Variants in MAN1A2 observed in about 807,000 individuals in gnomAD.
The protein encoded by MAN1A2 is mannosyl-oligosaccharide 1,2-alpha-mannosidase IB.
MAN1A2 carries 26 observed loss-of-function variants against 75.7 expected under a neutral mutation model. The observed-to-expected ratio is 0.34, with a 90% confidence interval of 0.25 to 0.48. MAN1A2 has a LOEUF of 0.48. MAN1A2 is among the 20% of genes least tolerant of loss of function. The pLI is 0.99. For synonymous variants in MAN1A2, 247 were observed against 264.6 expected (o/e 0.93, Z 0.65); for missense variants, 562 against 775.5 (o/e 0.72, Z 3.27).
At chr1:117,508,024 G>C (rs563157138) in intron 12 of MAN1A2, among the ~76,000 whole-genome samples, 61 of 151,714 alleles carry the variant, frequency 4.0e-4, no homozygotes, top group African/African-American at 1.5e-3. Context: ...TATCTCCCAC[G>C]TGGATTCTCT....
chr1:117,445,337 A>C (rs566665690), intron 6 of MAN1A2, among the ~76,000 whole-genome samples: 1 of 152,246 alleles, frequency 6.6e-6, no homozygotes, highest in Non-Finnish European at 1.5e-5. Flanking sequence ...TTTTGGTGTG[A>C]GTTACCTGGT....
intron 12 of MAN1A2, among the ~76,000 whole-genome samples, chr1:117,507,938 C>T (rs965451452): frequency 2.8e-4 from 43 of 151,604 alleles, no homozygotes; most frequent in African/African-American, 8.5e-4. Flanking sequence ...GAAAGAATTG[C>T]GAGGAAATTA....
intron 1 of MAN1A2, among the ~76,000 whole-genome samples, chr1:117,376,540 A>G (rs915228024): frequency 1.3e-5 from 2 of 152,172 alleles, no homozygotes; most frequent in Non-Finnish European, 2.9e-5. Context: ...TGTTTTTCCA[A>G]CTACCTGCCA....
At chr1:117,498,776 C>T (rs1036298467) in intron 10 of MAN1A2, among the ~76,000 whole-genome samples, 1 of 151,772 alleles carries the variant, frequency 6.6e-6, no homozygotes, top group Non-Finnish European at 1.5e-5. Flanking sequence ...GTTTTGCTAA[C>T]TTTCCAGCAG....
chr1:117,392,157 G>C (rs1011098386), intron 1 of MAN1A2, among the ~76,000 whole-genome samples: 12 of 152,076 alleles, frequency 7.9e-5, no homozygotes, highest in Non-Finnish European at 1.2e-4. Flanking sequence ...CCATTTTCAA[G>C]TTGAAGTTCT....
chr1:117,427,958 A>G (rs765229279), intron 5 of MAN1A2, among the ~76,000 whole-genome samples: 3 of 152,230 alleles, frequency 2.0e-5, no homozygotes, highest in Non-Finnish European at 4.4e-5. Flanking sequence ...AGGTTTCTCC[A>G]TTTTATATGA....
intron 6 of MAN1A2, among the ~76,000 whole-genome samples, chr1:117,448,601 T>C (rs1326548047): frequency 6.6e-6 from 1 of 152,124 alleles, no homozygotes; most frequent in African/African-American, 2.4e-5. Context: ...AAGGCAGATT[T>C]GACACTGCAT....
intron 8 of MAN1A2, among the ~76,000 whole-genome samples, chr1:117,474,090 A>G (rs1650243866): frequency 6.6e-6 from 1 of 152,046 alleles, no homozygotes; most frequent in South Asian, 2.1e-4. Context: ...GTCTGGGTAC[A>G]ACAGGAGAAC....
intron 5 of MAN1A2, among the ~76,000 whole-genome samples, chr1:117,428,784 CTTTTTT>C (rs780515731): frequency 0.13 from 13,818 of 110,302 alleles, 760 homozygotes; most frequent in Non-Finnish European, 0.15. Context: ...GGAGACCTTT[CTTTTTT>C]TTTTTTTTTT....
At chr1:117,432,990 T>A (rs1361974532) in intron 5 of MAN1A2, among the ~76,000 whole-genome samples, 3 of 149,962 alleles carry the variant, frequency 2.0e-5, no homozygotes, top group African/African-American at 7.3e-5. Flanking sequence ...ATTTCTTTTA[T>A]TGTAGGAAAG....
chr1:117,522,711 T>C (rs1651899676), intron 12 of MAN1A2, 114 bp from the exon 13 acceptor site: 2 of 870,728 alleles, frequency 2.3e-6, no homozygotes, highest in African/African-American at 1.7e-5. Context: ...TTTGATGTTT[T>C]TCATCAAAGC....
At chr1:117,502,777 A>C in intron 11 of MAN1A2, 78 bp from the exon 12 acceptor site, 1 of 723,832 alleles carries the variant, frequency 1.4e-6, no homozygotes, top group Non-Finnish European at 2.5e-6. Context: ...GCTTTTGACT[A>C]TTGTCCTTCA....
At chr1:117,441,721 C>A (rs1240658524) in intron 5 of MAN1A2, among the ~76,000 whole-genome samples, 1 of 152,134 alleles carries the variant, frequency 6.6e-6, no homozygotes, top group Non-Finnish European at 1.5e-5. Flanking sequence ...TTGGAACTGA[C>A]AAATGAAGCA....
At position 117,379,238 on chromosome 1, in the gene MAN1A2, G is replaced by T. The variant is rs532980505; in HGVS notation, c.302+10753G>T. 9.2e-5 allele frequency among the ~76,000 whole-genome samples: 14 copies of T among 151,468 alleles called. No homozygotes were observed. The South Asian group carries it at 2.3e-3, about 25-fold the overall frequency. Reference sequence around the variant, plus strand: ...CCCTGTGTGACTTATTGAAGAGTCTGTTTTTTTCTCATGGATTTGTAATGT... The same window carrying T: ...CCCTGTGTGACTTATTGAAGAGTCTTTTTTTTTCTCATGGATTTGTAATGT... On this transcript the variant is annotated intron_variant, in intron 1 of 12. Coordinates refer to ENST00000356554, the MANE Select transcript of MAN1A2 (RefSeq NM_006699.5).
intron 8 of MAN1A2, among the ~76,000 whole-genome samples, chr1:117,471,884 T>C (rs187656444): frequency 6.6e-6 from 1 of 152,028 alleles, no homozygotes; most frequent in Non-Finnish European, 1.5e-5. Flanking sequence ...CCGGATCAGG[T>C]TTTGAGAAAA....
At chr1:117,433,281 G>T (rs1380422114) in intron 5 of MAN1A2, among the ~76,000 whole-genome samples, 1 of 151,910 alleles carries the variant, frequency 6.6e-6, no homozygotes, top group Non-Finnish European at 1.5e-5. Flanking sequence ...ATACTAAACT[G>T]GTGTAATGCA....
At chr1:117,449,928 A>G (rs1316163111) in intron 6 of MAN1A2, among the ~76,000 whole-genome samples, 3 of 152,214 alleles carry the variant, frequency 2.0e-5, no homozygotes, top group Admixed American at 6.5e-5. Context: ...TTGGTTCACA[A>G]GGTTTAAGGA....
chr1:117,429,889 G>C (rs1648548263), intron 5 of MAN1A2, among the ~76,000 whole-genome samples: 3 of 70,708 alleles, frequency 4.2e-5, no homozygotes, highest in African/African-American at 1.7e-4. Flanking sequence ...AGATGGGGCG[G>C]CTGGCCGGGC....
chr1:117,429,702 A>AG (rs1334548213), intron 5 of MAN1A2, among the ~76,000 whole-genome samples: 2 of 75,380 alleles, frequency 2.7e-5, no homozygotes, highest in African/African-American at 5.2e-5. Flanking sequence ...CTGGCCGGGC[A>AG]GGGGGGCTGA....
Sources: allele counts gnomAD v4.1 joint callset (sites outside exome capture counted in the v4.1 genomes callset), GRCh38; gene constraint gnomAD v4.1.1; transcripts MANE v1.5; gene names NCBI Gene and HGNC (gene_info 2026-07-23, HGNC 2026-07-21).